Variants in CACNA1B observed in about 807,000 individuals in gnomAD.
CACNA1B encodes calcium voltage-gated channel subunit alpha1 B.
Under a neutral mutation model 247.2 loss-of-function variants are expected in CACNA1B, and 70 were observed. The ratio of observed to expected loss-of-function variants is 0.28; its 90% CI spans 0.23 to 0.35. CACNA1B has a LOEUF of 0.35. CACNA1B is among the 10% of genes least tolerant of loss of function. The pLI, the probability that CACNA1B is intolerant of heterozygous loss-of-function variation, is 1.00. For synonymous variants in CACNA1B, 1,231 were observed against 1,294.4 expected, an observed-to-expected ratio of 0.95 and a Z score of 1.05; for missense variants, 2,367 against 3,197.4, an observed-to-expected ratio of 0.74 and a Z score of 6.26.
intron 39 of CACNA1B, among the ~76,000 whole-genome samples, chr9:138,107,823 A>G (rs1179936908): frequency 6.6e-6 from 1 of 152,082 alleles, no homozygotes; most frequent in African/African-American, 2.4e-5. Flanking sequence ...CGTCTCTACT[A>G]AAATACAAAA....
At chr9:137,942,744 C>T (rs1475914721) in intron 6 of CACNA1B, among the ~76,000 whole-genome samples, 1 of 152,182 alleles carries the variant, frequency 6.6e-6, no homozygotes, top group East Asian at 1.9e-4. Context: ...CGTATGTTCT[C>T]ACTCATAAGT....
intron 38 of CACNA1B, among the ~76,000 whole-genome samples, chr9:138,104,996 C>A (rs1369299824): frequency 6.6e-6 from 1 of 152,254 alleles, no homozygotes; most frequent in African/African-American, 2.4e-5. Context: ...AGCAGAGCTG[C>A]AGGACACTGC....
At chr9:138,081,408 C>A (rs145730417) in intron 36 of CACNA1B, among the ~76,000 whole-genome samples, 66 of 152,352 alleles carry the variant, frequency 4.3e-4, no homozygotes, top group African/African-American at 1.6e-3. Flanking sequence ...TGGCACTTCC[C>A]TCACAGATTG....
At chr9:137,984,076 C>T (rs964007458) in intron 12 of CACNA1B, 62 bp from the exon 13 acceptor site, 5 of 1,207,362 alleles carry the variant, frequency 4.1e-6, no homozygotes, top group Non-Finnish European at 6.0e-6. Context: ...TGTGCACACA[C>T]ATCCATCTGC....
chr9:138,106,947 C>T (rs1414286757), intron 39 of CACNA1B, among the ~76,000 whole-genome samples: 1 of 152,176 alleles, frequency 6.6e-6, no homozygotes, highest in African/African-American at 2.4e-5. Context: ...GGCTGAGGCA[C>T]ATCCCCAGCT....
intron 11 of CACNA1B, among the ~76,000 whole-genome samples, chr9:137,972,933 C>T (rs551231485): frequency 8.5e-5 from 13 of 152,286 alleles, no homozygotes; most frequent in African/African-American, 1.9e-4. Context: ...GGTGGTACCT[C>T]GGGACTTTGC....
In CACNA1B at chr9:138,023,517, A is replaced by G; in HGVS notation, c.2774A>G (p.Glu925Gly). The change falls in exon 19 of 47, where the codon GAG (glutamate) becomes GGG (glycine). Residue 925 changes from glutamate to glycine, a missense_variant. Around this residue, in one of 12 missense-constraint regions of CACNA1B, gnomAD observed 631 missense variants for 631.1 expected, o/e 1.00. Coordinates refer to ENST00000371372, the MANE Select transcript of CACNA1B (RefSeq NM_000718.4). The part of the protein sequence containing the change: ...GRRHHRRGSP[E>G]EAAEREPRRH... ...CGGCACCACCGGCGCGGCTCCCCGG[A>G]GGAGGCGGCCGAGCGGGAGCCCCGA... is the stretch of plus-strand genomic sequence containing the variant. 9.3e-7 allele frequency: 1 copy of G among 1,075,278 alleles called. No homozygotes were observed. The highest frequency in any genetic ancestry group is 1.1e-6 in the Non-Finnish European group (1 of 890,986). The allele number at this position is 1,075,278 out of a possible 1,614,324, so 66.6% of individuals were successfully genotyped here.
At chr9:137,944,799 G>A (rs1348221007) in intron 6 of CACNA1B, among the ~76,000 whole-genome samples, 1 of 152,158 alleles carries the variant, frequency 6.6e-6, no homozygotes, top group Non-Finnish European at 1.5e-5. Flanking sequence ...GGGGGAGATT[G>A]TTTCTCTCCA....
Position 138,100,959 on chromosome 9 carries a change from C to T in CACNA1B, c.5223-1752C>T, listed in dbSNP as rs1028035394. The T allele has an allele frequency of 7.0e-5, 28 of 402,168 alleles. No homozygotes were observed. Among genetic ancestry groups the T allele is most frequent in the South Asian group, 9.2e-5 (5 of 54,286 alleles). 24.9% of individuals were successfully genotyped at this position (402,168 alleles called of 1,614,324 possible). ...CGGGGAGCTCCAAGCCCCAGTACCCCGGCGAGGTGCCACCTGTCCAGTGCA... is the reference window on the plus strand; with the variant it reads ...CGGGGAGCTCCAAGCCCCAGTACCCTGGCGAGGTGCCACCTGTCCAGTGCA... On this transcript the variant is annotated intron_variant, in intron 37 of 46. Coordinates refer to ENST00000371372, the MANE Select transcript of CACNA1B (RefSeq NM_000718.4). The surrounding 1 kb of genome is among the most constrained non-coding windows in gnomAD (Gnocchi z 4.6).
rs753851977 is a variant in CACNA1B at position 137,881,146 on chromosome 9, C to T, written c.391-1598C>T. 1.3e-5 allele frequency among the ~76,000 whole-genome samples: 2 copies of T among 152,158 alleles called. No individual in the cohort carries two copies. Among genetic ancestry groups the T allele is most frequent in the African/African-American group, 2.4e-5 (1 of 41,434 alleles). Reference sequence around the variant, plus strand: ...TTCCTGTGAAGATCTCTGTCTGCTGCGGCCCCACTGTTCCCCTGGGGCAGA... The same window carrying T: ...TTCCTGTGAAGATCTCTGTCTGCTGTGGCCCCACTGTTCCCCTGGGGCAGA... On this transcript the variant is annotated intron_variant, in intron 2 of 46. Coordinates refer to ENST00000371372, the MANE Select transcript of CACNA1B (RefSeq NM_000718.4). This position sits in a 1 kb window ranked among gnomAD's most constrained non-coding sequence, Gnocchi z 4.3.
intron 3 of CACNA1B, among the ~76,000 whole-genome samples, chr9:137,901,582 A>C (rs1289530359): frequency 6.6e-6 from 1 of 152,090 alleles, no homozygotes; most frequent in African/African-American, 2.4e-5. Flanking sequence ...ACAAGTGTTT[A>C]AACATTTCAT....
Position 137,913,340 on chromosome 9 carries a change from C to A in CACNA1B, c.622+69C>A. 1 of 1,162,142 alleles carries A rather than the reference C, an allele frequency of 8.6e-7. No individual in the cohort carries two copies. Among genetic ancestry groups the A allele is most frequent in the Non-Finnish European group, 1.3e-6 (1 of 788,978 alleles). 72.0% of individuals were successfully genotyped at this position (1,162,142 alleles called of 1,614,324 possible). A position where few individuals can be genotyped will look rare whatever the true frequency, so the allele number is the denominator to read the frequency against. ...CCTCCTCTCCTACCCTCACCACGGA[C>A]ATGGCCATGGCCATGGTTTGGCTTT... On this transcript the variant is annotated intron_variant, in intron 4 of 46. Transcript: ENST00000371372. The surrounding 1 kb of genome is among the most constrained non-coding windows in gnomAD (Gnocchi z 5.2).
chr9:137,877,867 C>T lies in CACNA1B; in HGVS notation c.-67C>T, dbSNP rs76728968. ...CTCCGTGGCTGCTCCGCTCTGAGCG[C>T]CTGGCGCGCCCCGCGCCCTCCCTGC... On this transcript the variant is annotated 5_prime_UTR_variant, in exon 1 of 47. Transcript: ENST00000371372. The T allele has an allele frequency of 3.4e-6, 3 of 880,972 alleles. No individual in the cohort carries two copies. The highest frequency in any genetic ancestry group is 2.7e-6 in the Non-Finnish European group (2 of 732,176). The allele number at this position is 880,972 out of a possible 1,614,324, so 54.6% of individuals were successfully genotyped here.
At chr9:138,046,239 G>T (rs141352939) in intron 21 of CACNA1B, among the ~76,000 whole-genome samples, 1 of 152,226 alleles carries the variant, frequency 6.6e-6, no homozygotes, top group African/African-American at 2.4e-5. Context: ...CAGGGTAGGT[G>T]CTCAGTAATG....
At position 138,058,211 on chromosome 9, in the gene CACNA1B, G is replaced by A; in HGVS notation, c.4269G>A (p.Gly1423=). ...TCATCATCACCTTCCAGGAGCAGGGGGACAAGGTGATGTCTGAATGCAGCC... is the reference window on the plus strand; with the variant it reads ...TCATCATCACCTTCCAGGAGCAGGGAGACAAGGTGATGTCTGAATGCAGCC... The part of the protein sequence containing the change: ...ALIIITFQEQ[G]DKVMSECSLE... The change falls in exon 28 of 47, where the codon GGG becomes GGA. Residue 1423 remains glycine, a synonymous_variant. Coordinates refer to ENST00000371372, the MANE Select transcript of CACNA1B (RefSeq NM_000718.4). The surrounding 1 kb of genome is among the most constrained non-coding windows in gnomAD (Gnocchi z 4.7). The A allele has an allele frequency of 6.2e-7, 1 of 1,614,028 alleles. No homozygotes were observed. The highest frequency in any genetic ancestry group is 8.5e-7 in the Non-Finnish European group (1 of 1,179,878).
chr9:138,120,031 T>A (rs1004376094), intron 44 of CACNA1B, 134 bp from the exon 45 acceptor site: 37 of 740,006 alleles, frequency 5.0e-5, no homozygotes, highest in Admixed American at 2.1e-4. Context: ...CAGGCCTGGG[T>A]CCTTCTGACT....
intron 20 of CACNA1B, among the ~76,000 whole-genome samples, chr9:138,027,111 G>A (rs1225085777): frequency 6.6e-6 from 1 of 151,942 alleles, no homozygotes; most frequent in East Asian, 1.9e-4. Context: ...TTTTATTCTG[G>A]CTGTTTGTTT....
chr9:138,094,911 A>G (rs759195404), intron 36 of CACNA1B, among the ~76,000 whole-genome samples: 7 of 152,216 alleles, frequency 4.6e-5, no homozygotes, highest in Non-Finnish European at 7.3e-5. Flanking sequence ...GGATATCCAC[A>G]TGCAAAAGAA....
At chr9:137,883,586 A>G (rs1198189379) in intron 3 of CACNA1B, among the ~76,000 whole-genome samples, 4 of 149,730 alleles carry the variant, frequency 2.7e-5, no homozygotes, top group Admixed American at 6.6e-5. Flanking sequence ...TGCAGTGGGC[A>G]CTGTGAGGTC....
Sources: allele counts gnomAD v4.1 joint callset (sites outside exome capture counted in the v4.1 genomes callset), GRCh38; gene constraint gnomAD v4.1.1; regional missense constraint gnomAD v4.1.1; non-coding constraint Gnocchi (gnomAD v3.1); transcripts MANE v1.5; gene names NCBI Gene and HGNC (gene_info 2026-07-23, HGNC 2026-07-21).